The following SEZ6L variants were observed in gnomAD, a reference collection of about 807,000 sequenced individuals.
SEZ6L encodes the protein seizure 6-like protein.
SEZ6L carries 37 observed loss-of-function variants against 106.2 expected under a neutral mutation model. The ratio of observed to expected loss-of-function variants is 0.35; its 90% CI spans 0.27 to 0.46. The LOEUF (loss-of-function observed/expected upper bound fraction) is 0.46, where lower values mean the gene tolerates loss of function less well. Ranked by LOEUF, SEZ6L falls within the 20% of genes least tolerant of loss-of-function variation. The pLI is 1.00. For synonymous variants in SEZ6L, 541 were observed against 570.4 expected, an observed-to-expected ratio of 0.95 and a Z score of 0.73; for missense variants, 1,172 against 1,332.8, an observed-to-expected ratio of 0.88 and a Z score of 1.88.
intron 1 of SEZ6L, among the ~76,000 whole-genome samples, chr22:26,232,139 G>A (rs7511475): frequency 0.18 from 28,087 of 152,018 alleles, 3,058 homozygotes; most frequent in East Asian, 0.42. Flanking sequence ...AAGTGAAGGC[G>A]TAACACAGTT....
chr22:26,369,356 T>TTTTTTTTTTTTTTTTTTTTTTTTTG lies in SEZ6L; in HGVS notation c.2794+3791_2794+3792insTTTTTTTTTTTTTTTTTTTTTTTGT, dbSNP rs1601635216. Reference sequence around the variant, plus strand: ...ATAAGCAGTTCTTTTGTTTTTTTTTTTGAGACAGATTCTCGCTCTGTCCCC... The same window carrying TTTTTTTTTTTTTTTTTTTTTTTTTG: ...ATAAGCAGTTCTTTTGTTTTTTTTTTTTTTTTTTTTTTTTTTTTTTTTTTGTGAGACAGATTCTCGCTCTGTCCCC... On this transcript the variant is annotated intron_variant, in intron 13 of 16. Coordinates refer to ENST00000248933, the MANE Select transcript of SEZ6L (RefSeq NM_021115.5). 2.4e-5 allele frequency among the ~76,000 whole-genome samples: 3 copies of TTTTTTTTTTTTTTTTTTTTTTTTTG among 127,088 alleles called. 1 individual carries two copies. The highest frequency in any genetic ancestry group is 9.1e-5 in the African/African-American group (3 of 33,090). The allele number at this position is 127,088 out of a possible 152,430, so 83.4% of individuals were successfully genotyped here. A position where few individuals can be genotyped will look rare whatever the true frequency, so the allele number is the denominator to read the frequency against.
intron 1 of SEZ6L, among the ~76,000 whole-genome samples, chr22:26,184,862 T>A (rs912456046): frequency 6.6e-6 from 1 of 152,134 alleles, no homozygotes; most frequent in Admixed American, 6.5e-5. Context: ...GGCAGGTGGA[T>A]CACCTGAGGT....
chr22:26,231,076 A>G (rs576798103), intron 1 of SEZ6L, among the ~76,000 whole-genome samples: 1 of 152,264 alleles, frequency 6.6e-6, no homozygotes, highest in South Asian at 2.1e-4. Context: ...CTTTTATTGA[A>G]GTAGCAATGC....
At chr22:26,375,774 A>C in intron 15 of SEZ6L, 85 bp downstream of exon 15, 5 of 965,922 alleles carry the variant, frequency 5.2e-6, no homozygotes, top group Non-Finnish European at 7.8e-6. Context: ...TCTGAGCCTC[A>C]GGGTCTCCAC....
chr22:26,190,194 A>G (rs1940099709), intron 1 of SEZ6L, among the ~76,000 whole-genome samples: 2 of 151,982 alleles, frequency 1.3e-5, no homozygotes, highest in Admixed American at 1.3e-4. Flanking sequence ...TTTATTCTTC[A>G]CCCATTGTTA....
chr22:26,339,552 T>A (rs6005017), intron 9 of SEZ6L, among the ~76,000 whole-genome samples: 119,376 of 152,144 alleles, frequency 0.78, 47,217 homozygotes, highest in Non-Finnish European at 0.82. Context: ...TCTTTGAAAA[T>A]GTGTCATCCT....
At chr22:26,189,921 C>T (rs1186781650) in intron 1 of SEZ6L, among the ~76,000 whole-genome samples, 1 of 152,036 alleles carries the variant, frequency 6.6e-6, no homozygotes, top group African/African-American at 2.4e-5. Context: ...GATGGTGAAA[C>T]CCCATCTCTA....
chr22:26,348,646 A>AAAAGAAAG (rs768075015), intron 11 of SEZ6L, among the ~76,000 whole-genome samples: 174 of 7,680 alleles, frequency 0.023, 5 homozygotes, highest in Admixed American at 0.028. Context: ...GAAAGAAAGA[A>AAAAGAAAG]AAAGAAAGAA....
intron 1 of SEZ6L, among the ~76,000 whole-genome samples, chr22:26,256,820 T>C (rs1311694805): frequency 1.3e-5 from 2 of 152,224 alleles, no homozygotes; most frequent in Non-Finnish European, 2.9e-5. Context: ...CCTGGGGTTC[T>C]GATGCTCACT....
chr22:26,237,449 G>A (rs888368166), intron 1 of SEZ6L, among the ~76,000 whole-genome samples: 1 of 152,190 alleles, frequency 6.6e-6, no homozygotes, highest in African/African-American at 2.4e-5. Flanking sequence ...GATAAACCTG[G>A]CAAGTTATTT....
intron 1 of SEZ6L, among the ~76,000 whole-genome samples, chr22:26,179,751 C>T (rs1036795655): frequency 2.0e-4 from 31 of 152,292 alleles, no homozygotes; most frequent in Admixed American, 5.9e-4. Flanking sequence ...CTTCTCCCCA[C>T]GCATCTGTTC....
At chr22:26,251,403 G>A (rs906065265) in intron 1 of SEZ6L, among the ~76,000 whole-genome samples, 2 of 151,154 alleles carry the variant, frequency 1.3e-5, no homozygotes, top group Non-Finnish European at 2.9e-5. Context: ...TGCAAGTCTT[G>A]AAATAATCAT....
intron 1 of SEZ6L, among the ~76,000 whole-genome samples, chr22:26,240,892 A>G (rs1386593292): frequency 6.6e-6 from 1 of 152,184 alleles, no homozygotes. Flanking sequence ...GCAAGAGGGC[A>G]TTCTGGAAAG....
At chr22:26,176,588 T>C (rs1357815743) in intron 1 of SEZ6L, among the ~76,000 whole-genome samples, 1 of 152,230 alleles carries the variant, frequency 6.6e-6, no homozygotes. Flanking sequence ...CTAAATCAAG[T>C]TCCCAACTGG....
intron 1 of SEZ6L, among the ~76,000 whole-genome samples, chr22:26,286,859 C>T (rs904046145): frequency 1.2e-4 from 18 of 151,604 alleles, no homozygotes; most frequent in African/African-American, 3.4e-4. Context: ...GTGATTCTCC[C>T]GCCTCAGCTT....
At chr22:26,348,703 A>AAAGGAAGAAAGGAAGGAAGG (rs1207033331) in intron 11 of SEZ6L, among the ~76,000 whole-genome samples, 3 of 41,484 alleles carry the variant, frequency 7.2e-5, no homozygotes, top group African/African-American at 3.4e-4. Context: ...AGAAAGAAAG[A>AAAGGAAGAAAGGAAGGAAGG]AGGCAAGGGA....
chr22:26,321,149 C>T (rs1478695143), intron 9 of SEZ6L, among the ~76,000 whole-genome samples: 1 of 152,208 alleles, frequency 6.6e-6, no homozygotes, highest in Non-Finnish European at 1.5e-5. Flanking sequence ...ACATCCCAAG[C>T]AGTTACATCC....
At chr22:26,239,080 A>G (rs1199364804) in intron 1 of SEZ6L, among the ~76,000 whole-genome samples, 1 of 152,194 alleles carries the variant, frequency 6.6e-6, no homozygotes, top group Non-Finnish European at 1.5e-5. Flanking sequence ...AAAAATTAGC[A>G]GGGCATGATG....
intron 1 of SEZ6L, among the ~76,000 whole-genome samples, chr22:26,275,150 C>A (rs1446128892): frequency 6.6e-6 from 1 of 152,212 alleles, no homozygotes; most frequent in Non-Finnish European, 1.5e-5. Flanking sequence ...TCCTTTACTG[C>A]ACAGCAGTAT....
Sources: allele counts gnomAD v4.1 joint callset (sites outside exome capture counted in the v4.1 genomes callset), GRCh38; gene constraint gnomAD v4.1.1; transcripts MANE v1.5; gene names NCBI Gene and HGNC (gene_info 2026-07-23, HGNC 2026-07-21).